CDH12: variants seen among roughly 807,000 people sequenced by gnomAD.
CDH12 encodes the protein cadherin-12.
Under a neutral mutation model 74.1 loss-of-function variants are expected in CDH12, and 41 were observed. The observed-to-expected ratio is 0.55, with a 90% CI of 0.43 to 0.72. CDH12 has a LOEUF of 0.72. CDH12 is among the 30% of genes least tolerant of loss of function. The pLI, the probability that CDH12 is intolerant of heterozygous loss-of-function variation, is 0.00. For missense variants in CDH12, 945 were observed against 977.2 expected (o/e 0.97, Z 0.44); for synonymous variants, 399 against 355.0 (o/e 1.12, Z -1.39).
chr5:21,935,587 T>TA (rs1195540463), intron 6 of CDH12, among the ~76,000 whole-genome samples: 1 of 152,210 alleles, frequency 6.6e-6, no homozygotes, highest in African/African-American at 2.4e-5. Flanking sequence ...TCCTTTGTGT[T>TA]ACAAACAATC....
chr5:22,588,972 A>C (rs969481099), intron 1 of CDH12, among the ~76,000 whole-genome samples: 1 of 152,158 alleles, frequency 6.6e-6, no homozygotes, highest in Admixed American at 6.6e-5. Context: ...AGTTCACCTG[A>C]TATAACAGCC....
At chr5:22,193,858 C>T (rs6883351) in intron 4 of CDH12, among the ~76,000 whole-genome samples, 66,965 of 151,998 alleles carry the variant, frequency 0.44, 15,859 homozygotes, top group East Asian at 0.73. Flanking sequence ...TGATAGCCTA[C>T]GCAAGGTATT....
chr5:22,691,304 T>C (rs545061152), intron 1 of CDH12, among the ~76,000 whole-genome samples: 1 of 152,264 alleles, frequency 6.6e-6, no homozygotes, highest in South Asian at 2.1e-4. Context: ...CTAGATGATA[T>C]TACTATTAGT....
At chr5:22,579,253 CTTAGT>C (rs1040300106) in intron 1 of CDH12, among the ~76,000 whole-genome samples, 21 of 152,110 alleles carry the variant, frequency 1.4e-4, no homozygotes, top group African/African-American at 4.8e-4. Context: ...AGACACTGTG[CTTAGT>C]TTAATGATAA....
At chr5:22,066,820 G>A (rs1189746108) in intron 5 of CDH12, among the ~76,000 whole-genome samples, 2 of 152,074 alleles carry the variant, frequency 1.3e-5, no homozygotes, top group African/African-American at 4.8e-5. Flanking sequence ...TCTCCTATTT[G>A]GTCTGTAACT....
intron 1 of CDH12, among the ~76,000 whole-genome samples, chr5:22,632,425 T>A (rs1294698583): frequency 6.6e-6 from 1 of 152,132 alleles, no homozygotes. Context: ...AAAATCTTTA[T>A]AGATAATGTA....
At chr5:22,311,270 G>C (rs1738377517) in intron 3 of CDH12, among the ~76,000 whole-genome samples, 1 of 152,160 alleles carries the variant, frequency 6.6e-6, no homozygotes, top group African/African-American at 2.4e-5. Context: ...AGAAGAAGAA[G>C]AGGTAGTTTC....
chr5:22,008,235 T>C (rs1292478860), intron 5 of CDH12, among the ~76,000 whole-genome samples: 1 of 139,954 alleles, frequency 7.1e-6, no homozygotes, highest in Admixed American at 7.0e-5. Flanking sequence ...ACTATACAAT[T>C]TTTTTTTTTT....
At chr5:22,359,676 G>C (rs1163331762) in intron 3 of CDH12, among the ~76,000 whole-genome samples, 1 of 152,108 alleles carries the variant, frequency 6.6e-6, no homozygotes, top group Non-Finnish European at 1.5e-5. Flanking sequence ...CCACACAGTT[G>C]AAAGTAAAGC....
chr5:22,838,182 C>A (rs1211150456), intron 1 of CDH12, among the ~76,000 whole-genome samples: 2 of 152,150 alleles, frequency 1.3e-5, no homozygotes, highest in Non-Finnish European at 2.9e-5. Flanking sequence ...CAGCCTTAAG[C>A]ACTCATCTCT....
intron 1 of CDH12, among the ~76,000 whole-genome samples, chr5:22,838,671 G>GTGTA (rs1355699903): frequency 6.6e-6 from 1 of 151,558 alleles, no homozygotes; most frequent in Non-Finnish European, 1.5e-5. Flanking sequence ...GTGTGTGTGT[G>GTGTA]TGTGTGTGTG....
Position 22,653,455 on chromosome 5 carries a change from G to GA in CDH12, c.-522-148092dup, listed in dbSNP as rs79277022. On this transcript the variant is annotated intron_variant, in intron 1 of 14. Coordinates refer to ENST00000382254, the MANE Select transcript of CDH12 (RefSeq NM_004061.5). Reference sequence around the variant, plus strand: ...TTGTGTACTAGCTCAGATCAAAAAGGAAAAAAAAAAAACAGAATTGCTGTT... The same window carrying GA: ...TTGTGTACTAGCTCAGATCAAAAAGGAAAAAAAAAAAAACAGAATTGCTGTT... Among the ~76,000 whole-genome samples, 379 of 138,132 alleles carry GA rather than the reference G, an allele frequency of 2.7e-3. 2 individuals carry two copies. Among genetic ancestry groups the GA allele is most frequent in the African/African-American group, 5.2e-3 (198 of 37,870 alleles). The allele number at this position is 138,132 out of a possible 152,430, so 90.6% of individuals were successfully genotyped here. A position where few individuals can be genotyped will look rare whatever the true frequency, so the allele number is the denominator to read the frequency against.
intron 6 of CDH12, among the ~76,000 whole-genome samples, chr5:21,916,661 G>GGGCCTGGAGT (rs201377017): frequency 6.6e-6 from 1 of 152,070 alleles, no homozygotes; most frequent in East Asian, 1.9e-4. Flanking sequence ...CTCCAAACTT[G>GGGCCTGGAGT]GGCCTGGAGT....
At chr5:22,803,579 C>T (rs1748640749) in intron 1 of CDH12, among the ~76,000 whole-genome samples, 1 of 152,134 alleles carries the variant, frequency 6.6e-6, no homozygotes, top group Non-Finnish European at 1.5e-5. Flanking sequence ...TTGCTTCTTC[C>T]TGACATCTGG....
chr5:22,700,199 T>G (rs1235497867), intron 1 of CDH12, among the ~76,000 whole-genome samples: 1 of 152,136 alleles, frequency 6.6e-6, no homozygotes, highest in East Asian at 1.9e-4. Context: ...ATAGTGCTAA[T>G]GACATGCTGA....
At chr5:22,819,824 C>T (rs567517521) in intron 1 of CDH12, among the ~76,000 whole-genome samples, 1 of 149,904 alleles carries the variant, frequency 6.7e-6, no homozygotes, top group African/African-American at 2.4e-5. Context: ...TATCCAGATA[C>T]TTAAATATAT....
chr5:21,803,149 C>T (rs1747233644), intron 9 of CDH12, among the ~76,000 whole-genome samples: 1 of 152,108 alleles, frequency 6.6e-6, no homozygotes, highest in Non-Finnish European at 1.5e-5. Context: ...ATTGAAGATA[C>T]TCTAGATTCT....
intron 6 of CDH12, among the ~76,000 whole-genome samples, chr5:21,898,485 G>A (rs1386533115): frequency 6.6e-6 from 1 of 152,022 alleles, no homozygotes; most frequent in African/African-American, 2.4e-5. Context: ...GGCGGATCAG[G>A]AGGTCAGGAG....
At chr5:22,486,046 C>T (rs1746579158) in intron 2 of CDH12, among the ~76,000 whole-genome samples, 1 of 152,206 alleles carries the variant, frequency 6.6e-6, no homozygotes, top group Non-Finnish European at 1.5e-5. Context: ...GCCTCACCCA[C>T]TGTCAGCTGC....
Sources: gnomAD v4.1 joint callset for allele counts (sites outside exome capture counted in the v4.1 genomes callset) on GRCh38, gnomAD v4.1.1 for gene constraint, MANE v1.5 for transcripts, NCBI Gene and HGNC (gene_info 2026-07-23, HGNC 2026-07-21) for gene names.